Variants in KCNQ2 observed in about 807,000 individuals in gnomAD.
The protein encoded by KCNQ2 is potassium voltage-gated channel subfamily KQT member 2.
In KCNQ2, 14 loss-of-function variants were observed where a neutral mutation model predicts 84.8. The ratio of observed to expected loss-of-function variants is 0.17; its 90% CI spans 0.11 to 0.26. KCNQ2 has a LOEUF of 0.26. KCNQ2 is among the 10% of genes least tolerant of loss of function. KCNQ2 has a pLI of 1.00. For synonymous variants in KCNQ2, 599 were observed against 554.1 expected, an observed-to-expected ratio of 1.08 and a Z score of -1.14; for missense variants, 788 against 1,254.0, an observed-to-expected ratio of 0.63 and a Z score of 5.61.
intron 7 of KCNQ2, among the ~76,000 whole-genome samples, chr20:63,437,820 T>C (rs1040441387): frequency 2.0e-5 from 3 of 152,052 alleles, no homozygotes; most frequent in Non-Finnish European, 2.9e-5. Flanking sequence ...TATTTTCTCT[T>C]TTTTTTTGAG....
intron 5 of KCNQ2, among the ~76,000 whole-genome samples, chr20:63,441,937 C>T (rs192690011): frequency 1.1e-3 from 171 of 152,312 alleles, no homozygotes; most frequent in Non-Finnish European, 2.0e-3. Flanking sequence ...GCACCAGCAG[C>T]CTGAGGGTGT....
intron 15 of KCNQ2, among the ~76,000 whole-genome samples, chr20:63,412,934 C>A (rs189903846): frequency 2.0e-5 from 3 of 152,128 alleles, no homozygotes; most frequent in Admixed American, 1.3e-4. Context: ...GACACCTATG[C>A]CAAGGAGGGC....
chr20:63,443,523 C>CCACCAT, intron 4 of KCNQ2: 3 of 103,562 alleles, frequency 2.9e-5, no homozygotes, highest in Admixed American at 2.3e-4. Flanking sequence ...ACCACCATCA[C>CCACCAT]CATCACCACC....
At chr20:63,426,606 G>A (rs2080643218) in intron 10 of KCNQ2, among the ~76,000 whole-genome samples, 1 of 151,718 alleles carries the variant, frequency 6.6e-6, no homozygotes, top group African/African-American at 2.4e-5. Flanking sequence ...AAATTAGGCT[G>A]CACCTTCCAC....
chr20:63,442,349 C>A (rs951212176), intron 5 of KCNQ2, 57 bp downstream of exon 5: 82 of 1,612,418 alleles, frequency 5.1e-5, no homozygotes, highest in Non-Finnish European at 6.7e-5. Context: ...CTGGTCCCAG[C>A]ACAGGGACAG....
intron 6 of KCNQ2, among the ~76,000 whole-genome samples, chr20:63,439,288 G>GTC (rs1291387950): frequency 1.3e-5 from 2 of 152,200 alleles, no homozygotes; most frequent in Non-Finnish European, 2.9e-5. Context: ...CCTGCTCCTG[G>GTC]TCACAAGGAC....
In KCNQ2 at chr20:63,414,900, C is replaced by T. The variant is rs753952432; in HGVS notation, c.1525+3G>A. ...GACCAGGAGAGGATGCGGCCACACC[C>T]ACCTTCTGAGTTCTGCCGTGACGCG... On this transcript the variant is annotated splice_donor_region_variant and intron_variant, in intron 13 of 16. Transcript: ENST00000359125. This position sits in a 1 kb window ranked among gnomAD's most constrained non-coding sequence, Gnocchi z 6.6. 2 of 1,612,274 alleles carry T rather than the reference C, an allele frequency of 1.2e-6. No homozygotes were observed. The highest frequency in any genetic ancestry group is 1.8e-4 in the Middle Eastern group (1 of 5,714).
intron 1 of KCNQ2, among the ~76,000 whole-genome samples, chr20:63,467,924 A>C (rs1466084391): frequency 1.3e-5 from 2 of 152,144 alleles, no homozygotes; most frequent in Non-Finnish European, 2.9e-5. Flanking sequence ...TTTCTAATAA[A>C]ACAGATTTTC....
chr20:63,413,340 G>T lies in KCNQ2; in HGVS notation c.1763+110C>A, dbSNP rs1172283373. ...GACAGAGGCCGACGTGGGTGGGGAG[G>T]AGGCCCCGCCCACACACCCCCTGCA... On this transcript the variant is annotated intron_variant, in intron 15 of 16. Coordinates refer to ENST00000359125, the MANE Select transcript of KCNQ2 (RefSeq NM_172107.4). The T allele has an allele frequency of 3.0e-6, 4 of 1,317,814 alleles. No homozygotes were observed. The East Asian group carries it at 7.3e-5, about 24-fold the overall frequency. The allele number at this position is 1,317,814 out of a possible 1,614,324, so 81.6% of individuals were successfully genotyped here.
intron 1 of KCNQ2, among the ~76,000 whole-genome samples, chr20:63,469,016 G>C (rs1007578459): frequency 6.6e-6 from 1 of 152,234 alleles, no homozygotes; most frequent in Non-Finnish European, 1.5e-5. Context: ...GGAACAGAGC[G>C]GAGCTCCCTT....
rs1055255563 is a variant in KCNQ2, at chr20:63,425,255, G to C, written c.1218-1049C>G. Among the ~76,000 whole-genome samples the C allele has an allele frequency of 6.6e-6, 1 of 152,072 alleles. No individual in the cohort carries two copies. On this transcript the variant is annotated intron_variant, in intron 10 of 16. Coordinates refer to ENST00000359125, the MANE Select transcript of KCNQ2 (RefSeq NM_172107.4). The surrounding 1 kb of genome is among the most constrained non-coding windows in gnomAD (Gnocchi z 5.5). ...TGCAAGGACCCTTTCTCCAAATCAGGTCACATTTGCAAATTCTGGGACATT... is the reference window on the plus strand; with the variant it reads ...TGCAAGGACCCTTTCTCCAAATCAGCTCACATTTGCAAATTCTGGGACATT...
rs1568934623 is a variant in KCNQ2, at chr20:63,442,812, CCACCAT to C, written c.691-287_691-282del. ...ATCACCATTACCACCACCATTACCACCACCATCACCATCACCATCACCACCACCACC... is the reference window on the plus strand; with the variant it reads ...ATCACCATTACCACCACCATTACCACCACCATCACCATCACCACCACCACC... On this transcript the variant is annotated intron_variant, in intron 4 of 16. Transcript: ENST00000359125. 3.0e-4 allele frequency among the ~76,000 whole-genome samples: 24 copies of C among 80,844 alleles called. 2 individuals carry two copies. The highest frequency in any genetic ancestry group is 9.6e-4 in the Admixed American group (8 of 8,350). 53.0% of individuals were successfully genotyped at this position (80,844 alleles called of 152,430 possible).
intron 4 of KCNQ2, among the ~76,000 whole-genome samples, chr20:63,443,420 A>C (rs2081312931): frequency 1.4e-5 from 1 of 72,670 alleles, no homozygotes; most frequent in African/African-American, 3.8e-5. Flanking sequence ...CACCATCACC[A>C]CCATCATCAC....
In KCNQ2 at chr20:63,400,719, C is replaced by A; in HGVS notation, c.*5925G>T. On this transcript the variant is annotated 3_prime_UTR_variant, in exon 17 of 17. Transcript: ENST00000359125. The surrounding 1 kb of genome is among the most constrained non-coding windows in gnomAD (Gnocchi z 8.7). Reference sequence around the variant, plus strand: ...GCGTGGGGCGCGGGCATGGCGGGCACACGTGGGCCGTGTGGATCCCGGGCA... The same window carrying A: ...GCGTGGGGCGCGGGCATGGCGGGCAAACGTGGGCCGTGTGGATCCCGGGCA... 1 of 398,584 alleles carries A rather than the reference C, an allele frequency of 2.5e-6. No individual in the cohort carries two copies. The highest frequency in any genetic ancestry group is 4.4e-6 in the Non-Finnish European group (1 of 226,032). 24.7% of individuals were successfully genotyped at this position (398,584 alleles called of 1,614,324 possible). A position where few individuals can be genotyped will look rare whatever the true frequency, so the allele number is the denominator to read the frequency against.
At chr20:63,417,880 C>T (rs1201909651) in intron 12 of KCNQ2, among the ~76,000 whole-genome samples, 5 of 152,310 alleles carry the variant, frequency 3.3e-5, no homozygotes, top group South Asian at 4.1e-4. Flanking sequence ...GCCGCCGGGA[C>T]GCAGCCCACG....
In KCNQ2 at chr20:63,407,069, G is replaced by C; in HGVS notation, c.2194C>G (p.Pro732Ala). The part of the protein sequence containing the change: ...SHPRQGHGTS[P>A]VGDHGSLVRI... ...ACCAGGGAGCCGTGGTCCCCCACGGGGGAGGTGCCGTGGCCCTGGCGCGGG... is the reference window on the plus strand; with the variant it reads ...ACCAGGGAGCCGTGGTCCCCCACGGCGGAGGTGCCGTGGCCCTGGCGCGGG... The change falls in exon 17 of 17, where the codon CCC becomes GCC. Residue 732 changes from proline to alanine, a missense_variant. Physicochemically the swap from Pro to Ala is conservative, Grantham distance 27. This residue lies in a region of KCNQ2 where 378 missense variants were observed against 434.5 expected (regional missense o/e 0.87). Transcript: ENST00000359125. The surrounding 1 kb of genome is among the most constrained non-coding windows in gnomAD (Gnocchi z 7.2). The C allele has an allele frequency of 6.6e-7, 1 of 1,526,428 alleles. No homozygotes were observed. Among genetic ancestry groups the C allele is most frequent in the Non-Finnish European group, 8.8e-7 (1 of 1,138,696 alleles). The allele number at this position is 1,526,428 out of a possible 1,614,324, so 94.6% of individuals were successfully genotyped here.
chr20:63,467,807 G>A (rs540701285), intron 1 of KCNQ2, among the ~76,000 whole-genome samples: 1 of 152,200 alleles, frequency 6.6e-6, no homozygotes, highest in African/African-American at 2.4e-5. Flanking sequence ...ATTCCCACGT[G>A]GTCAGCATCC....
At chr20:63,436,208 T>C (rs955469477) in intron 7 of KCNQ2, among the ~76,000 whole-genome samples, 2 of 152,140 alleles carry the variant, frequency 1.3e-5, no homozygotes, top group Admixed American at 6.5e-5. Context: ...AGTGAATCGA[T>C]GCGGCAAACC....
At chr20:63,452,320 G>C (rs970216091) in intron 1 of KCNQ2, among the ~76,000 whole-genome samples, 1 of 152,256 alleles carries the variant, frequency 6.6e-6, no homozygotes, top group South Asian at 2.1e-4. Context: ...CCTCTGAGCT[G>C]AGGGCAGCAG....
Sources: gnomAD v4.1 joint callset for allele counts (sites outside exome capture counted in the v4.1 genomes callset) on GRCh38, gnomAD v4.1.1 for gene constraint, gnomAD v4.1.1 regional missense constraint, Gnocchi (gnomAD v3.1) non-coding constraint, MANE v1.5 for transcripts, NCBI Gene and HGNC (gene_info 2026-07-23, HGNC 2026-07-21) for gene names.